Variants in NDUFAF2 observed in about 807,000 individuals in gnomAD.
NDUFAF2 encodes NADH dehydrogenase [ubiquinone] 1 alpha subcomplex assembly factor 2.
NDUFAF2 carries 13 observed loss-of-function variants against 22.8 expected under a neutral mutation model. That is an observed-to-expected ratio of 0.57 (90% confidence interval 0.37 to 0.91). The LOEUF (loss-of-function observed/expected upper bound fraction) is 0.91, where lower values mean the gene tolerates loss of function less well. NDUFAF2 is among the 40% of genes least tolerant of loss of function. The probability of loss-of-function intolerance (pLI) is 0.01; values close to 1 mark genes in which losing one functional copy is unlikely to be tolerated. For synonymous variants in NDUFAF2, 53 were observed against 64.2 expected (o/e 0.83, Z 0.84); for missense variants, 162 against 195.2 (o/e 0.83, Z 1.01).
chr5:60,969,318 C>T (rs1485282216), intron 1 of NDUFAF2, among the ~76,000 whole-genome samples: 1 of 152,130 alleles, frequency 6.6e-6, no homozygotes, highest in Non-Finnish European at 1.5e-5. Context: ...TACTAATTTA[C>T]ATTTCTACCA....
In NDUFAF2 at chr5:60,962,983, T is replaced by G. The variant is rs181401080; in HGVS notation, c.127+17601T>G. ...TCACTGCAACCTGCGCCTTCCAGGT[T>G]CAAGTCATTCTCCTGCCTCAGCTTC... On this transcript the variant is annotated intron_variant, in intron 1 of 3. Transcript: ENST00000296597. Among the ~76,000 whole-genome samples the G allele has an allele frequency of 3.3e-3, 495 of 151,990 alleles. 2 individuals are homozygous for G. Among genetic ancestry groups the G allele is most frequent in the African/African-American group, 0.012 (479 of 41,510 alleles).
intron 1 of NDUFAF2, among the ~76,000 whole-genome samples, chr5:61,061,062 C>G (rs1752159225): frequency 6.6e-6 from 1 of 152,108 alleles, no homozygotes; most frequent in Non-Finnish European, 1.5e-5. Flanking sequence ...AAGAGTCATA[C>G]TCACCTACAG....
intron 3 of NDUFAF2, among the ~76,000 whole-genome samples, chr5:61,099,614 T>C (rs1193948127): frequency 3.3e-5 from 5 of 151,600 alleles, no homozygotes; most frequent in African/African-American, 7.2e-5. Context: ...ATGGTATATA[T>C]GTTTTACAAT....
chr5:61,139,376 T>A (rs1741016444), intron 3 of NDUFAF2, among the ~76,000 whole-genome samples: 1 of 152,178 alleles, frequency 6.6e-6, no homozygotes, highest in Non-Finnish European at 1.5e-5. Context: ...GAAAATACAG[T>A]TTCAACTGAA....
chr5:61,058,622 GT>G (rs1312177343), intron 1 of NDUFAF2, among the ~76,000 whole-genome samples: 1 of 151,734 alleles, frequency 6.6e-6, no homozygotes. Flanking sequence ...TTTTGTGTGT[GT>G]TTAAGACATC....
chr5:61,081,593 A>C (rs1018336005), intron 2 of NDUFAF2, among the ~76,000 whole-genome samples: 7 of 152,200 alleles, frequency 4.6e-5, no homozygotes, highest in African/African-American at 7.2e-5. Flanking sequence ...AAGTTATATA[A>C]TATGAAGTTA....
chr5:61,071,724 T>C (rs1442511084), intron 1 of NDUFAF2, among the ~76,000 whole-genome samples: 4 of 152,218 alleles, frequency 2.6e-5, no homozygotes, highest in African/African-American at 9.6e-5. Context: ...TGCTGCTCCC[T>C]TTATCATTCC....
intron 3 of NDUFAF2, among the ~76,000 whole-genome samples, chr5:61,145,267 T>C (rs1251167390): frequency 6.6e-6 from 1 of 152,188 alleles, no homozygotes; most frequent in Non-Finnish European, 1.5e-5. Context: ...GGGGCTTAAG[T>C]TCACATCACT....
In NDUFAF2 at chr5:61,008,275, A is replaced by C. The variant is rs190069307; in HGVS notation, c.127+62893A>C. 3.6e-3 allele frequency among the ~76,000 whole-genome samples: 548 copies of C among 152,272 alleles called. 1 individual carries two copies. The highest frequency in any genetic ancestry group is 6.4e-3 in the Non-Finnish European group (432 of 68,006). ...TATGTAACTAACCTGCACATTGTGCACATGTACCCTAAAACTTAAAGTATA... is the reference window on the plus strand; with the variant it reads ...TATGTAACTAACCTGCACATTGTGCCCATGTACCCTAAAACTTAAAGTATA... On this transcript the variant is annotated intron_variant, in intron 1 of 3. Transcript: ENST00000296597.
chr5:61,007,709 G>A (rs1751386649), intron 1 of NDUFAF2, among the ~76,000 whole-genome samples: 1 of 152,196 alleles, frequency 6.6e-6, no homozygotes, highest in South Asian at 2.1e-4. Context: ...TGGTGGGACT[G>A]TAAACTAGTT....
Position 60,983,852 on chromosome 5 carries a change from T to A in NDUFAF2, c.127+38470T>A, listed in dbSNP as rs995826785. ...GGTAGCATGATGCCTCCAGCTTTGT[T>A]CTTTTGGCTTAGGATTGTCTTGGCA... is the stretch of plus-strand genomic sequence containing the variant. On this transcript the variant is annotated intron_variant, in intron 1 of 3. Coordinates refer to ENST00000296597, the MANE Select transcript of NDUFAF2 (RefSeq NM_174889.5). 2.2e-4 allele frequency among the ~76,000 whole-genome samples: 33 copies of A among 152,166 alleles called. 1 individual carries two copies.
chr5:61,095,677 C>A (rs560985714), intron 2 of NDUFAF2, among the ~76,000 whole-genome samples: 8 of 152,252 alleles, frequency 5.3e-5, no homozygotes, highest in Middle Eastern at 3.4e-3. Context: ...AGACCAAAGG[C>A]CCTGGTGGAG....
intron 3 of NDUFAF2, among the ~76,000 whole-genome samples, chr5:61,145,062 A>C (rs975493117): frequency 6.6e-6 from 1 of 152,346 alleles, no homozygotes; most frequent in South Asian, 2.1e-4. Context: ...TGAGTGAGCT[A>C]TAAGTCAGCA....
chr5:61,128,155 A>G (rs1753061690), intron 3 of NDUFAF2, among the ~76,000 whole-genome samples: 1 of 152,194 alleles, frequency 6.6e-6, no homozygotes, highest in African/African-American at 2.4e-5. Flanking sequence ...AGAAGACACA[A>G]ACAAATGGAA....
In NDUFAF2 at chr5:61,152,757, T is replaced by C. The variant is rs1414436446; in HGVS notation, c.312T>C (p.Asp104=). The C allele has an allele frequency of 3.1e-6, 5 of 1,588,220 alleles. No homozygotes were observed. Among genetic ancestry groups the C allele is most frequent in the Non-Finnish European group, 4.3e-6 (5 of 1,168,152 alleles). The change falls in exon 4 of 4, where the codon GAT becomes GAC. Residue 104 remains aspartate, a synonymous_variant. Transcript: ENST00000296597. The part of the protein sequence containing the change: ...HREEIKIKSQ[D]FYEKEKLLSK... ...AAGAAATCAAAATAAAAAGCCAAGA[T>C]TTTTATGAAAAAGAAAAACTCCTTA...
chr5:61,035,859 A>G (rs959963063), intron 1 of NDUFAF2, among the ~76,000 whole-genome samples: 3 of 152,216 alleles, frequency 2.0e-5, no homozygotes, highest in Non-Finnish European at 2.9e-5. Flanking sequence ...TGAAATAGCA[A>G]AAATTTTCAT....
At chr5:60,977,836 C>CAAAAA (rs373286895) in intron 1 of NDUFAF2, among the ~76,000 whole-genome samples, 6 of 116,526 alleles carry the variant, frequency 5.1e-5, no homozygotes, top group Non-Finnish European at 8.7e-5. Context: ...GACTCTGTCT[C>CAAAAA]AAAAAAAAAA....
intron 3 of NDUFAF2, among the ~76,000 whole-genome samples, chr5:61,117,714 A>G (rs1841503): frequency 2.0e-5 from 3 of 152,266 alleles, no homozygotes; most frequent in Admixed American, 6.5e-5. Flanking sequence ...CACATATACA[A>G]TGATATGGAT....
In NDUFAF2 at chr5:61,145,400, T is replaced by TG. The variant is rs768379899; in HGVS notation, c.259-7303dup. On this transcript the variant is annotated intron_variant, in intron 3 of 3. Coordinates refer to ENST00000296597, the MANE Select transcript of NDUFAF2 (RefSeq NM_174889.5). ...TTTTAATCTAATCCTTCACAAACAA[T>TG]GATAATTTATATTAAATTTTGACCA... Among the ~76,000 whole-genome samples, 4 of 152,184 alleles carry TG rather than the reference T, an allele frequency of 2.6e-5. No homozygotes were observed. The South Asian group carries it at 8.3e-4, about 31-fold the overall frequency.
Sources: gnomAD v4.1 joint callset for allele counts (sites outside exome capture counted in the v4.1 genomes callset) on GRCh38, gnomAD v4.1.1 for gene constraint, MANE v1.5 for transcripts, NCBI Gene and HGNC (gene_info 2026-07-23, HGNC 2026-07-21) for gene names.